CDK14: variants seen among roughly 807,000 people sequenced by gnomAD.
CDK14 encodes the protein cyclin dependent kinase 14.
A neutral mutation model predicts 60.7 loss-of-function variants in CDK14; 34 were observed. That is an observed-to-expected ratio of 0.56 (90% CI 0.43 to 0.75). The LOEUF (loss-of-function observed/expected upper bound fraction) is 0.75. CDK14 is among the 30% of genes least tolerant of loss of function. CDK14 has a pLI of 0.00. For missense variants in CDK14, 482 were observed against 564.1 expected, an observed-to-expected ratio of 0.85 and a Z score of 1.47; for synonymous variants, 197 against 203.7, an observed-to-expected ratio of 0.97 and a Z score of 0.28.
chr7:90,657,676 T>G (rs1447531409), intron 2 of CDK14, among the ~76,000 whole-genome samples: 3 of 152,232 alleles, frequency 2.0e-5, no homozygotes, highest in Non-Finnish European at 2.9e-5. Flanking sequence ...CAGTGGCTAC[T>G]CTATTGGACA....
At chr7:90,861,810 A>C (rs1016805323) in intron 5 of CDK14, among the ~76,000 whole-genome samples, 2 of 152,160 alleles carry the variant, frequency 1.3e-5, no homozygotes, top group Non-Finnish European at 2.9e-5. Flanking sequence ...CAGTTCGTTC[A>C]TTAAATAAAT....
chr7:90,610,461 T>C (rs529330960), intron 2 of CDK14, among the ~76,000 whole-genome samples: 25 of 152,278 alleles, frequency 1.6e-4, no homozygotes, highest in Admixed American at 1.6e-3. Flanking sequence ...CTTGCGACCC[T>C]CCTCCACCCT....
intron 2 of CDK14, among the ~76,000 whole-genome samples, chr7:90,605,442 G>A (rs147274612): frequency 1.2e-3 from 180 of 152,314 alleles, no homozygotes; most frequent in African/African-American, 4.1e-3. Flanking sequence ...CAATAGAGGA[G>A]TCTTTTCTTC....
Position 90,652,921 on chromosome 7 carries a change from A to G in CDK14, c.123+48672A>G, listed in dbSNP as rs189863726. On this transcript the variant is annotated intron_variant, in intron 2 of 14. Transcript: ENST00000380050. The stretch of plus-strand genomic sequence containing the variant: ...TACAGCTGTGTCTTTGCTTGTTTGC[A>G]TGTGTGTTTTCAAATATGCTAGATA... Among the ~76,000 whole-genome samples the G allele has an allele frequency of 2.6e-5, 4 of 152,202 alleles. No individual in the cohort carries two copies. In the East Asian group the frequency reaches 5.8e-4, roughly 22 times the overall value.
At chr7:90,808,638 G>A (rs1439290833) in intron 5 of CDK14, among the ~76,000 whole-genome samples, 1 of 152,086 alleles carries the variant, frequency 6.6e-6, no homozygotes, top group African/African-American at 2.4e-5. Flanking sequence ...AATGTAAATG[G>A]GCTAAATGCT....
chr7:91,167,087 C>G (rs944308610), intron 14 of CDK14, among the ~76,000 whole-genome samples: 17 of 152,096 alleles, frequency 1.1e-4, no homozygotes, highest in African/African-American at 3.9e-4. Context: ...TCACTGGATA[C>G]AAAGACAATC....
intron 9 of CDK14, among the ~76,000 whole-genome samples, chr7:90,983,064 G>C (rs111334026): frequency 0.15 from 22,233 of 152,088 alleles, 1,852 homozygotes; most frequent in Middle Eastern, 0.27. Flanking sequence ...TGCTGGCAAG[G>C]CTACAGAGAA....
At chr7:91,070,227 A>G (rs1798098617) in intron 11 of CDK14, among the ~76,000 whole-genome samples, 1 of 151,862 alleles carries the variant, frequency 6.6e-6, no homozygotes, top group Admixed American at 6.6e-5. Flanking sequence ...ACTTTCTAAA[A>G]TTAACTCATT....
chr7:90,952,527 A>T (rs1794294048), intron 8 of CDK14, among the ~76,000 whole-genome samples: 1 of 152,148 alleles, frequency 6.6e-6, no homozygotes, highest in Non-Finnish European at 1.5e-5. Flanking sequence ...AAATGTCAAC[A>T]CTGTAAAGTT....
chr7:91,040,018 T>C (rs575000134), intron 10 of CDK14, among the ~76,000 whole-genome samples: 4 of 152,194 alleles, frequency 2.6e-5, no homozygotes, highest in African/African-American at 7.2e-5. Flanking sequence ...GCCTGGGAGA[T>C]TGAGGCTGCA....
intron 2 of CDK14, among the ~76,000 whole-genome samples, chr7:90,642,864 CTA>C (rs1263910249): frequency 1.3e-5 from 2 of 151,962 alleles, no homozygotes; most frequent in African/African-American, 4.8e-5. Flanking sequence ...CATTTGTTTC[CTA>C]TTACTGCCTT....
intron 14 of CDK14, among the ~76,000 whole-genome samples, chr7:91,162,432 G>A (rs1801195927): frequency 1.3e-5 from 2 of 152,182 alleles, no homozygotes; most frequent in African/African-American, 2.4e-5. Flanking sequence ...CCTGGAGAGC[G>A]GTCAGTTCTG....
At chr7:91,118,521 T>C (rs1208112609) in intron 14 of CDK14, among the ~76,000 whole-genome samples, 1 of 152,246 alleles carries the variant, frequency 6.6e-6, no homozygotes, top group East Asian at 1.9e-4. Context: ...CTTTGGGCTG[T>C]ATCTAAGCCA....
intron 13 of CDK14, among the ~76,000 whole-genome samples, chr7:91,113,727 T>G (rs1799535137): frequency 6.6e-6 from 1 of 152,212 alleles, no homozygotes; most frequent in African/African-American, 2.4e-5. Flanking sequence ...TCATCCATCA[T>G]AATATTGGAT....
chr7:91,063,779 A>T lies in CDK14; in HGVS notation c.1106-15653A>T, dbSNP rs1037311736. On this transcript the variant is annotated intron_variant, in intron 11 of 14. Transcript: ENST00000380050. ...AAGCATTTGCCCTCCCTGGAGTAAT[A>T]CTGCTTTCTATATACCATATGTCTC... 2.6e-5 allele frequency among the ~76,000 whole-genome samples: 4 copies of T among 152,304 alleles called. No homozygotes were observed. In the East Asian group the frequency reaches 7.7e-4, roughly 29 times the overall value.
At chr7:90,658,904 G>A (rs1422859438) in intron 2 of CDK14, among the ~76,000 whole-genome samples, 2 of 152,068 alleles carry the variant, frequency 1.3e-5, no homozygotes, top group African/African-American at 2.4e-5. Flanking sequence ...AATGCGATTG[G>A]TTCTTCATTC....
intron 14 of CDK14, among the ~76,000 whole-genome samples, chr7:91,156,812 T>C (rs1329309991): frequency 6.6e-6 from 1 of 152,234 alleles, no homozygotes; most frequent in African/African-American, 2.4e-5. Context: ...GGGTCCACAC[T>C]TGGAGCATGA....
intron 12 of CDK14, among the ~76,000 whole-genome samples, chr7:91,102,988 T>C (rs1256296093): frequency 1.3e-5 from 2 of 152,164 alleles, no homozygotes; most frequent in African/African-American, 4.8e-5. Context: ...GTGCGATAGT[T>C]CACACCTATA....
intron 10 of CDK14, among the ~76,000 whole-genome samples, chr7:91,014,706 A>G (rs896413109): frequency 6.6e-6 from 1 of 152,178 alleles, no homozygotes; most frequent in African/African-American, 2.4e-5. Flanking sequence ...GCTGCCAGTA[A>G]AGGTTAGCTA....
Sources: allele counts gnomAD v4.1 joint callset (sites outside exome capture counted in the v4.1 genomes callset), GRCh38; gene constraint gnomAD v4.1.1; transcripts MANE v1.5; gene names NCBI Gene and HGNC (gene_info 2026-07-23, HGNC 2026-07-21).